The following DSCAM variants were observed in gnomAD, a reference collection of about 807,000 sequenced individuals.
DSCAM encodes DS cell adhesion molecule, also known as cell adhesion molecule DSCAM.
In DSCAM, 47 loss-of-function variants were observed where a neutral mutation model predicts 217.7. That is an observed-to-expected ratio of 0.22 (90% CI 0.17 to 0.28). The LOEUF (loss-of-function observed/expected upper bound fraction) is 0.28. Among genes scored for constraint, DSCAM ranks in the 10% least tolerant of loss-of-function variants. The pLI, the probability that DSCAM is intolerant of heterozygous loss-of-function variation, is 1.00. For synonymous variants in DSCAM, 1,056 were observed against 1,015.3 expected (o/e 1.04, Z -0.76); for missense variants, 2,080 against 2,618.3 (o/e 0.79, Z 4.49).
rs1358907421 is a variant in DSCAM at position 40,013,191 on chromosome 21, T to C, written c.5882A>G (p.Gln1961Arg). 1.2e-6 allele frequency: 2 copies of C among 1,613,636 alleles called. No individual in the cohort carries two copies. The highest frequency in any genetic ancestry group is 1.7e-6 in the Non-Finnish European group (2 of 1,179,844). Residue 1961 changes from glutamine (Q) to arginine (R), a missense_variant, in exon 33 of 33, where the codon CAG (glutamine) becomes CGG (arginine). Gln to Arg is a conservative substitution (Grantham distance 43, BLOSUM62 1). Transcript: ENST00000400454. ...ASSASSTREG[Q>R]SWQPGAVATL... ...GGCCACGGCCCCCGGCTGCCACGAC[T>C]GTCCTTCTCTCGTGGAGGAGGCGGA...
intron 1 of DSCAM, among the ~76,000 whole-genome samples, chr21:40,821,779 C>T (rs762454687): frequency 6.6e-6 from 1 of 152,118 alleles, no homozygotes; most frequent in African/African-American, 2.4e-5. Context: ...ATACCTACTA[C>T]GTGTCATCAC....
intron 3 of DSCAM, among the ~76,000 whole-genome samples, chr21:40,641,741 T>C (rs1264508482): frequency 1.3e-5 from 2 of 152,160 alleles, no homozygotes; most frequent in Non-Finnish European, 2.9e-5. Flanking sequence ...TACTACACAC[T>C]GATAAAAGCC....
intron 11 of DSCAM, among the ~76,000 whole-genome samples, chr21:40,256,310 T>C (rs2073369061): frequency 6.6e-6 from 1 of 152,108 alleles, no homozygotes; most frequent in South Asian, 2.1e-4. Context: ...TGTGGGAATA[T>C]AATCCTTCCT....
chr21:40,756,812 T>G (rs371394565), intron 1 of DSCAM, among the ~76,000 whole-genome samples: 1 of 152,294 alleles, frequency 6.6e-6, no homozygotes, highest in East Asian at 1.9e-4. Flanking sequence ...ATTCTTGTTT[T>G]ATAAATGAGG....
chr21:40,380,907 CA>C (rs1336302994), intron 3 of DSCAM, among the ~76,000 whole-genome samples: 1 of 151,208 alleles, frequency 6.6e-6, no homozygotes, highest in Admixed American at 6.6e-5. Context: ...ACTAAAAATG[CA>C]AAAAATTAGC....
At chr21:40,126,365 GGAAA>G (rs2090093872) in intron 19 of DSCAM, among the ~76,000 whole-genome samples, 1 of 151,822 alleles carries the variant, frequency 6.6e-6, no homozygotes, top group Non-Finnish European at 1.5e-5. Flanking sequence ...AAAGAAGAAA[GGAAA>G]GAAAGAAGAA....
chr21:40,353,088 G>A (rs553668868), intron 5 of DSCAM, among the ~76,000 whole-genome samples: 28 of 152,300 alleles, frequency 1.8e-4, no homozygotes, highest in African/African-American at 6.0e-4. Context: ...CATCACTTGT[G>A]CTGAAAGAAC....
chr21:40,772,693 C>A (rs2091456008), intron 1 of DSCAM, among the ~76,000 whole-genome samples: 1 of 152,204 alleles, frequency 6.6e-6, no homozygotes, highest in Admixed American at 6.5e-5. Flanking sequence ...CCTCCCCCTT[C>A]CCAAATACAG....
At chr21:40,580,158 T>C (rs1384005507) in intron 3 of DSCAM, among the ~76,000 whole-genome samples, 2 of 151,466 alleles carry the variant, frequency 1.3e-5, no homozygotes, top group Non-Finnish European at 2.9e-5. Context: ...CTCGGCTCAC[T>C]GCAAGCTCTG....
chr21:40,113,177 G>A (rs2089922414), intron 20 of DSCAM, among the ~76,000 whole-genome samples: 1 of 152,124 alleles, frequency 6.6e-6, no homozygotes, highest in Admixed American at 6.6e-5. Flanking sequence ...GTAAAATACT[G>A]GCAAACCGAA....
chr21:40,366,701 G>C (rs976481396), intron 4 of DSCAM, among the ~76,000 whole-genome samples: 1 of 151,972 alleles, frequency 6.6e-6, no homozygotes, highest in African/African-American at 2.4e-5. Flanking sequence ...GAGATTCTTA[G>C]TTAATTAGGA....
intron 9 of DSCAM, among the ~76,000 whole-genome samples, chr21:40,311,397 G>A (rs960679780): frequency 6.6e-6 from 1 of 152,050 alleles, no homozygotes; most frequent in Non-Finnish European, 1.5e-5. Flanking sequence ...AGCCTTAATG[G>A]GAATTTGGTG....
Position 40,042,428 on chromosome 21 carries a change from T to C in DSCAM, c.5629A>G (p.Lys1877Glu). 1 of 1,614,148 alleles carries C rather than the reference T, an allele frequency of 6.2e-7. No individual in the cohort carries two copies. Among genetic ancestry groups the C allele is most frequent in the Non-Finnish European group, 8.5e-7 (1 of 1,180,008 alleles). ...GICRFTASPP[K>E]PQDGGRVMNM... Reference sequence around the variant, plus strand: ...ATTACTCTTCCTCCATCCTGAGGTTTGGGGGGAGATGCAGTGAACCTGCAG... The same window carrying C: ...ATTACTCTTCCTCCATCCTGAGGTTCGGGGGGAGATGCAGTGAACCTGCAG... Residue 1877 changes from lysine to glutamate, a missense_variant, in exon 32 of 33, where the codon AAA becomes GAA. Lys to Glu is a moderately conservative substitution (Grantham distance 56, BLOSUM62 1). Around this residue, in one of 5 missense-constraint regions of DSCAM, gnomAD observed 1,144 missense variants for 1,421.1 expected, o/e 0.81. Coordinates refer to ENST00000400454, the MANE Select transcript of DSCAM (RefSeq NM_001389.5).
intron 15 of DSCAM, among the ~76,000 whole-genome samples, chr21:40,168,243 G>A (rs1433621281): frequency 6.6e-6 from 1 of 152,156 alleles, no homozygotes; most frequent in African/African-American, 2.4e-5. Context: ...GGGCCAATGA[G>A]AGACAATCTC....
intron 3 of DSCAM, among the ~76,000 whole-genome samples, chr21:40,668,941 G>C (rs2090236115): frequency 6.6e-6 from 1 of 152,094 alleles, no homozygotes; most frequent in African/African-American, 2.4e-5. Flanking sequence ...GTAATGAAAA[G>C]ATTGTATTGA....
chr21:40,536,050 C>T (rs930725903), intron 3 of DSCAM, among the ~76,000 whole-genome samples: 4 of 152,226 alleles, frequency 2.6e-5, no homozygotes, highest in African/African-American at 7.2e-5. Context: ...TGAGACGTTA[C>T]TTTACATCAC....
chr21:40,707,422 C>A (rs1425122214), intron 2 of DSCAM, among the ~76,000 whole-genome samples: 1 of 152,082 alleles, frequency 6.6e-6, no homozygotes, highest in African/African-American at 2.4e-5. Flanking sequence ...GAGCATGTCA[C>A]AAAGATCAAA....
chr21:40,035,899 C>T (rs1458428873), intron 32 of DSCAM, among the ~76,000 whole-genome samples: 17 of 148,496 alleles, frequency 1.1e-4, no homozygotes, highest in Admixed American at 4.0e-4. Context: ...ACTGAACAAC[C>T]TGCTCCTGAA....
chr21:40,801,032 A>G (rs1201053373), intron 1 of DSCAM, among the ~76,000 whole-genome samples: 1 of 149,780 alleles, frequency 6.7e-6, no homozygotes, highest in East Asian at 2.0e-4. Context: ...GCTCACTGCA[A>G]CCTCCGCCTT....
Sources: gnomAD v4.1 joint callset for allele counts (sites outside exome capture counted in the v4.1 genomes callset) on GRCh38, gnomAD v4.1.1 for gene constraint, gnomAD v4.1.1 regional missense constraint, MANE v1.5 for transcripts, NCBI Gene and HGNC (gene_info 2026-07-23, HGNC 2026-07-21) for gene names.